Variants in TRAPPC2L observed in about 807,000 individuals in gnomAD.
The protein encoded by TRAPPC2L is trafficking protein particle complex subunit 2L, also known as trafficking protein particle complex subunit 2-like protein.
TRAPPC2L carries 17 observed loss-of-function variants against 13.2 expected under a neutral mutation model. The observed-to-expected ratio is 1.29, with a 90% CI of 0.88 to 1.93. The LOEUF (loss-of-function observed/expected upper bound fraction) is 1.93. Ranked by LOEUF, TRAPPC2L falls within the 30% of genes most tolerant of loss-of-function variation. The probability of loss-of-function intolerance (pLI) is 0.00; values close to 1 mark genes in which losing one functional copy is unlikely to be tolerated. For missense variants in TRAPPC2L, 359 were observed against 252.1 expected (o/e 1.42, Z -2.87); for synonymous variants, 150 against 98.1 (o/e 1.53, Z -3.12).
intron 2 of TRAPPC2L, chr16:88,859,256 G>C (rs550242786): frequency 3.6e-6 from 2 of 557,862 alleles, no homozygotes; most frequent in Non-Finnish European, 6.8e-6. Flanking sequence ...CCTGTCCATG[G>C]TGACATTTGC....
At chr16:88,856,317 T>TC (rs1967873766), upstream of TRAPPC2L, 2 of 702,618 alleles carry the variant, frequency 2.8e-6, no homozygotes, top group Non-Finnish European at 2.6e-6. Context: ...GCGACGCAGC[T>TC]CTCAGGCAGG....
At chr16:88,860,647 A>T in exon 4 of TRAPPC2L, 1 of 595,162 alleles carries the variant, frequency 1.7e-6, no homozygotes, top group Non-Finnish European at 3.0e-6. Flanking sequence ...TCCTTGCCAC[A>T]CCACCGCTCT....
chr16:88,857,480 G>C, intron 1 of TRAPPC2L: 1 of 403,960 alleles, frequency 2.5e-6, no homozygotes, highest in South Asian at 5.0e-5. Context: ...TCCGTCCTCC[G>C]TCCTCAGCAG....
exon 4 of TRAPPC2L, chr16:88,861,081 A>C: frequency 1.1e-6 from 1 of 927,788 alleles, no homozygotes; most frequent in Non-Finnish European, 1.7e-6. Context: ...GCAGCTGTGC[A>C]TGTTCTCTCA....
intron 2 of TRAPPC2L, 174 bp from the exon 3 acceptor site, chr16:88,859,489 C>A: frequency 1.4e-6 from 1 of 730,484 alleles, no homozygotes; most frequent in Non-Finnish European, 2.5e-6. Flanking sequence ...AAACACCAGA[C>A]GTCGCCCTAG....
At chr16:88,857,117 A>C, upstream of TRAPPC2L, 1 of 1,535,156 alleles carries the variant, frequency 6.5e-7, no homozygotes, top group Non-Finnish European at 8.7e-7. Context: ...GCGGCGGGTC[A>C]CGTGACGCGG....
intron 1 of TRAPPC2L, 121 bp from the exon 2 acceptor site, chr16:88,858,498 C>T (rs1028180267): frequency 2.9e-6 from 3 of 1,048,024 alleles, no homozygotes; most frequent in Non-Finnish European, 4.2e-6. Flanking sequence ...AAGCGGTGGG[C>T]CTTAGAGCAT....
rs148176490 is a variant in TRAPPC2L at position 88,861,002 on chromosome 16, C to T, written c.*678C>T. ...CCATCGCAGAGGAGCCCGCGCACGA[C>T]TGTGGTGGGGCCGTCGGTCTGTTCT... is the stretch of plus-strand genomic sequence containing the variant. On this transcript the variant is annotated 3_prime_UTR_variant, in exon 4 of 4. Transcript: ENST00000565504. 5.6e-3 allele frequency: 8,630 copies of T among 1,553,666 alleles called. 37 individuals carry two copies. Among genetic ancestry groups the T allele is most frequent in the Non-Finnish European group, 6.4e-3 (7,412 of 1,150,166 alleles).
chr16:88,860,674 C>T, exon 4 of TRAPPC2L: 1 of 603,642 alleles, frequency 1.7e-6, no homozygotes. Context: ...CCATGCTGCT[C>T]CCTCCTCCAC....
chr16:88,859,262 T>G, intron 2 of TRAPPC2L: 1 of 562,422 alleles, frequency 1.8e-6, no homozygotes. Context: ...CATGGTGACA[T>G]TTGCTAGTAG....
At chr16:88,857,992 A>C (rs1968081224) in intron 1 of TRAPPC2L, among the ~76,000 whole-genome samples, 1 of 151,884 alleles carries the variant, frequency 6.6e-6, no homozygotes, top group South Asian at 2.1e-4. Context: ...CAAGATGATC[A>C]TTTGCTTGTT....
chr16:88,856,869 C>A (rs1055971461), upstream of TRAPPC2L: 1 of 1,509,340 alleles, frequency 6.6e-7, no homozygotes. Flanking sequence ...CCGCGACAAC[C>A]GCCGCCATGG....
upstream of TRAPPC2L, chr16:88,857,054 G>A (rs548225723): frequency 4.6e-5 from 67 of 1,455,826 alleles, no homozygotes; most frequent in African/African-American, 8.0e-4. Context: ...AGTGGGGCGG[G>A]GCCTGAGCCA....
chr16:88,857,263 A>T, intron 1 of TRAPPC2L, 80 bp downstream of exon 1: 1 of 1,314,712 alleles, frequency 7.6e-7, no homozygotes, highest in South Asian at 1.4e-5. Context: ...CCCTGGGCTT[A>T]GAAGGCACCT....
At position 88,860,674 on chromosome 16, in the gene TRAPPC2L, CCCT is replaced by C. The variant is rs1306487616; in HGVS notation, c.*356_*358del. On this transcript the variant is annotated 3_prime_UTR_variant, in exon 4 of 4. Coordinates refer to ENST00000565504, the Ensembl canonical transcript of TRAPPC2L. ...CACCGCTCTGCCTGCCCATGCTGCTCCCTCCTCCACCCCTTCCTGGGGCCTTGG... is the reference window on the plus strand; with the variant it reads ...CACCGCTCTGCCTGCCCATGCTGCTCCCTCCACCCCTTCCTGGGGCCTTGG... 8.6e-5 allele frequency: 52 copies of C among 603,644 alleles called. No individual in the cohort carries two copies. The Middle Eastern group carries it at 3.5e-3, about 41-fold the overall frequency. 37.4% of individuals were successfully genotyped at this position (603,644 alleles called of 1,614,324 possible).
Position 88,860,171 on chromosome 16 carries a change from TAAAGTGGATAG to T in TRAPPC2L, c.575_585del (p.Lys192SerfsTer74). The T allele has an allele frequency of 7.0e-6, 5 of 711,760 alleles. 1 individual carries two copies. Among genetic ancestry groups the T allele is most frequent in the South Asian group, 5.9e-5 (4 of 67,886 alleles). 44.1% of individuals were successfully genotyped at this position (711,760 alleles called of 1,614,324 possible). A position where few individuals can be genotyped will look rare whatever the true frequency, so the allele number is the denominator to read the frequency against. On this transcript the variant is annotated frameshift_variant, in exon 4 of 4. Transcript: ENST00000565504. LOFTEE classifies it low-confidence loss of function (END_TRUNC). The stretch of plus-strand genomic sequence containing the variant: ...AACTCTTACACAGATCTCCAGCGCA[TAAAGTGGATAG>T]AGTGTGTGTGGTGTGGGGAGTAGAG...
exon 4 of TRAPPC2L, chr16:88,860,885 C>T (rs756943164): frequency 2.5e-6 from 4 of 1,579,188 alleles, no homozygotes; most frequent in South Asian, 1.2e-5. Flanking sequence ...GCCTGGCTCT[C>T]CTCTGAGTGG....
At chr16:88,861,757 A>G (rs749870880) in exon 4 of TRAPPC2L, 3 of 451,964 alleles carry the variant, frequency 6.6e-6, no homozygotes, top group Non-Finnish European at 1.3e-5. Context: ...AGTTGGTTCC[A>G]GCACTGGTCC....
At chr16:88,858,548 C>T in intron 1 of TRAPPC2L, 71 bp from the exon 2 acceptor site, 2 of 1,538,816 alleles carry the variant, frequency 1.3e-6, no homozygotes, top group Non-Finnish European at 8.8e-7. Context: ...CACGGCTCTG[C>T]AGCATAGTTC....
Sources: allele counts gnomAD v4.1 joint callset (sites outside exome capture counted in the v4.1 genomes callset), GRCh38; gene constraint gnomAD v4.1.1; transcripts MANE v1.5; gene names NCBI Gene and HGNC (gene_info 2026-07-23, HGNC 2026-07-21).